POLR2F: variants seen among roughly 807,000 people sequenced by gnomAD.
POLR2F encodes RNA polymerase II, I and III subunit F.
Under a neutral mutation model 22.7 loss-of-function variants are expected in POLR2F, and 12 were observed. The ratio of observed to expected loss-of-function variants is 0.53; its 90% CI spans 0.34 to 0.86. POLR2F has a LOEUF of 0.86. POLR2F is among the 40% of genes least tolerant of loss of function. The pLI is 0.02. For missense variants in POLR2F, 126 were observed against 171.5 expected, an observed-to-expected ratio of 0.73 and a Z score of 1.48; for synonymous variants, 57 against 66.0, an observed-to-expected ratio of 0.86 and a Z score of 0.66.
Position 37,986,280 on chromosome 22 carries a change from C to T in POLR2F, c.90C>T (p.Pro30=), listed in dbSNP as rs531988886. 78 of 1,538,686 alleles carry T rather than the reference C, an allele frequency of 5.1e-5. No individual in the cohort carries two copies. The highest frequency in any genetic ancestry group is 2.4e-4 in the East Asian group (10 of 40,900). ...CCTCCAACACCCGCTGCTGCCCGCC[C>T]GCTGCCTGCCTGCCTGGCATCTCTC... is the stretch of plus-strand genomic sequence containing the variant. Residue 30 remains proline (P), a synonymous_variant, in exon 1 of 3, where the codon CCC becomes CCT. Coordinates refer to the POLR2F transcript ENST00000333418. The surrounding 1 kb of genome is among the most constrained non-coding windows in gnomAD (Gnocchi z 4.7).
rs1166772364 is a variant in POLR2F at position 37,953,719 on chromosome 22, C to G, written c.-69C>G. On this transcript the variant is annotated 5_prime_UTR_variant, in exon 1 of 5. Transcript: ENST00000442738. The stretch of plus-strand genomic sequence containing the variant: ...AAGATAAGCTAGGAGCCGCGCGAGT[C>G]GTAGTGTCGCTGTTTGCGGGTCTCC... 12 of 1,562,426 alleles carry G rather than the reference C, an allele frequency of 7.7e-6. No homozygotes were observed. The highest frequency in any genetic ancestry group is 4.0e-5 in the African/African-American group (3 of 74,418).
Position 37,993,223 on chromosome 22 carries a change from C to A in POLR2F, c.120+6911C>A, listed in dbSNP as rs145780028. On this transcript the variant is annotated intron_variant, in intron 1 of 2. Coordinates refer to the POLR2F transcript ENST00000333418. ...CCTTTGTCCTTTCACCACTGGCAGG[C>A]AGCTGGCAGCTTAGGGGAAGGGGCT... Among the ~76,000 whole-genome samples the A allele has an allele frequency of 2.1e-4, 32 of 152,304 alleles. No homozygotes were observed. In the East Asian group the frequency reaches 6.0e-3, roughly 28 times the overall value.
chr22:37,972,456 A>T (rs1889485360), downstream of POLR2F: 2 of 349,742 alleles, frequency 5.7e-6, no homozygotes, highest in African/African-American at 4.3e-5. Flanking sequence ...AGAACAGGAA[A>T]ATAGGGGCAG....
intron 1 of POLR2F, among the ~76,000 whole-genome samples, chr22:38,020,896 C>G (rs2084955663): frequency 6.6e-6 from 1 of 152,166 alleles, no homozygotes; most frequent in Non-Finnish European, 1.5e-5. Flanking sequence ...TACTTGCAAT[C>G]AGGGTCATGA....
intron 3 of POLR2F, among the ~76,000 whole-genome samples, chr22:37,960,600 T>C (rs912389834): frequency 3.3e-5 from 5 of 152,104 alleles, no homozygotes; most frequent in Non-Finnish European, 4.4e-5. Flanking sequence ...GGTTTCACCA[T>C]GTTAGCCAGG....
At chr22:37,965,116 A>G (rs139876) in intron 3 of POLR2F, among the ~76,000 whole-genome samples, 115,308 of 152,034 alleles carry the variant, frequency 0.76, 44,774 homozygotes, top group African/African-American at 0.94. Context: ...AGCGATTCTC[A>G]TGCCTCAGCC....
At chr22:37,994,841 A>G (rs1240032280) in intron 1 of POLR2F, among the ~76,000 whole-genome samples, 1 of 151,976 alleles carries the variant, frequency 6.6e-6, no homozygotes, top group Non-Finnish European at 1.5e-5. Flanking sequence ...AGGGTTTCAC[A>G]ATGTTACCCA....
intron 5 of POLR2F, chr22:38,032,934 C>G: frequency 6.0e-6 from 1 of 167,270 alleles, no homozygotes. Context: ...GAATCCCTTA[C>G]TGCCGTCCAT....
intron 1 of POLR2F, among the ~76,000 whole-genome samples, chr22:38,008,411 G>C (rs749578430): frequency 6.6e-6 from 1 of 151,858 alleles, no homozygotes; most frequent in Non-Finnish European, 1.5e-5. Flanking sequence ...TGGGCGTGGT[G>C]GTGCACGCCT....
intron 4 of POLR2F, chr22:37,977,724 C>T: frequency 1.1e-6 from 1 of 895,486 alleles, no homozygotes; most frequent in Non-Finnish European, 1.7e-6. Flanking sequence ...CATGGAGCTC[C>T]CTCTGGGCCC....
At chr22:37,999,335 T>G (rs2084747780) in intron 1 of POLR2F, among the ~76,000 whole-genome samples, 1 of 152,104 alleles carries the variant, frequency 6.6e-6, no homozygotes, top group African/African-American at 2.4e-5. Context: ...CGCCTGCGTG[T>G]GGGGATGCTG....
intron 1 of POLR2F, among the ~76,000 whole-genome samples, chr22:38,000,065 C>T (rs1321118693): frequency 6.6e-6 from 1 of 152,170 alleles, no homozygotes; most frequent in African/African-American, 2.4e-5. Context: ...CCCAGACCTC[C>T]TGTGTGCCAG....
upstream of POLR2F, chr22:37,983,475 C>T (rs752595410): frequency 1.9e-6 from 3 of 1,612,152 alleles, no homozygotes; most frequent in Admixed American, 1.7e-5. This position sits in a 1 kb window ranked among gnomAD's most constrained non-coding sequence, Gnocchi z 9.5. Context: ...GGCCGCTTGA[C>T]GTGCGGCTTG....
chr22:37,982,701 CTG>C (rs970266107), upstream of POLR2F, among the ~76,000 whole-genome samples: 11 of 152,046 alleles, frequency 7.2e-5, no homozygotes, highest in South Asian at 2.1e-4. Context: ...CTTGGTGACT[CTG>C]GGGCAGGGCA....
At chr22:38,026,541 T>G in exon 3 of POLR2F, 1 of 337,482 alleles carries the variant, frequency 3.0e-6, no homozygotes, top group African/African-American at 2.2e-5. Flanking sequence ...GGCCCCTCTT[T>G]CCCCACCGCC....
intron 1 of POLR2F, among the ~76,000 whole-genome samples, chr22:37,991,541 CTTTAA>C: frequency 6.6e-6 from 1 of 152,242 alleles, no homozygotes; most frequent in Middle Eastern, 3.4e-3. Flanking sequence ...TAATATGAAT[CTTTAA>C]TTTATTATTC....
intron 4 of POLR2F, chr22:37,967,380 G>A: frequency 2.1e-6 from 3 of 1,439,530 alleles, no homozygotes; most frequent in Non-Finnish European, 2.7e-6. Flanking sequence ...GACGTCTTCT[G>A]GCTGTTGGAA....
At chr22:37,963,140 C>G (rs1477106340) in intron 3 of POLR2F, among the ~76,000 whole-genome samples, 1 of 152,084 alleles carries the variant, frequency 6.6e-6, no homozygotes, top group Admixed American at 6.6e-5. Flanking sequence ...GCACCCGCCA[C>G]CACGCCTGGC....
At chr22:38,018,686 A>G (rs1179540570) in intron 1 of POLR2F, among the ~76,000 whole-genome samples, 2 of 152,142 alleles carry the variant, frequency 1.3e-5, no homozygotes, top group African/African-American at 4.8e-5. Flanking sequence ...CTCCCTGCTG[A>G]GAGTCCACCA....
Sources: gnomAD v4.1 joint callset for allele counts (sites outside exome capture counted in the v4.1 genomes callset) on GRCh38, gnomAD v4.1.1 for gene constraint, Gnocchi (gnomAD v3.1) non-coding constraint, MANE v1.5 for transcripts, NCBI Gene and HGNC (gene_info 2026-07-23, HGNC 2026-07-21) for gene names.